KCNIP4: variants seen among roughly 807,000 people sequenced by gnomAD.
KCNIP4 encodes the protein Kv channel-interacting protein 4.
KCNIP4 carries 12 observed loss-of-function variants against 34.0 expected under a neutral mutation model. That is an observed-to-expected ratio of 0.35 (90% CI 0.23 to 0.57). KCNIP4 has a LOEUF of 0.57. Among genes scored for constraint, KCNIP4 ranks in the 20% least tolerant of loss-of-function variants. The probability of loss-of-function intolerance (pLI) is 0.83; values close to 1 mark genes in which losing one functional copy is unlikely to be tolerated. For missense variants in KCNIP4, 238 were observed against 311.7 expected (o/e 0.76, Z 1.78); for synonymous variants, 124 against 102.2 (o/e 1.21, Z -1.29).
intron 2 of KCNIP4, among the ~76,000 whole-genome samples, chr4:20,858,236 A>G (rs1721822720): frequency 1.4e-5 from 2 of 141,332 alleles, no homozygotes; most frequent in South Asian, 2.2e-4. Flanking sequence ...AAAAAAAAAA[A>G]AAAAAAGAGG....
rs554629182 is a variant in KCNIP4 at position 20,963,421 on chromosome 4, T to A, written c.62-80712A>T. 3.3e-5 allele frequency among the ~76,000 whole-genome samples: 5 copies of A among 152,202 alleles called. No individual in the cohort carries two copies. The East Asian group carries it at 9.7e-4, about 29-fold the overall frequency. On this transcript the variant is annotated intron_variant, in intron 1 of 8. Coordinates refer to ENST00000382152, the MANE Select transcript of KCNIP4 (RefSeq NM_025221.6). ...CATCCCTTTTGTGAACTATTATTAT[T>A]CCTATTATATGAACACTTTTTTTTT...
rs188192827 is a variant in KCNIP4, at chr4:21,037,586, C to T, written c.62-154877G>A. On this transcript the variant is annotated intron_variant, in intron 1 of 8. Coordinates refer to ENST00000382152, the MANE Select transcript of KCNIP4 (RefSeq NM_025221.6). ...ATGCTCTATGATGTTCACACAATGA[C>T]GAAATTATGTAATGATGCATTTCTT... Among the ~76,000 whole-genome samples, 32 of 152,234 alleles carry T rather than the reference C, an allele frequency of 2.1e-4. 1 individual carries two copies. The East Asian group carries it at 4.8e-3, about 23-fold the overall frequency.
chr4:21,015,644 ATATAG>A (rs1401702228), intron 1 of KCNIP4, among the ~76,000 whole-genome samples: 23 of 118,192 alleles, frequency 1.9e-4, no homozygotes, highest in Admixed American at 1.8e-3. Flanking sequence ...ATATAATATA[ATATAG>A]TATATTGTAT....
chr4:20,777,495 G>A (rs539321374), intron 3 of KCNIP4, among the ~76,000 whole-genome samples: 1 of 152,288 alleles, frequency 6.6e-6, no homozygotes, highest in African/African-American at 2.4e-5. Flanking sequence ...GAGGCCCAAA[G>A]AGCTGCTGTG....
intron 1 of KCNIP4, among the ~76,000 whole-genome samples, chr4:21,002,584 A>C (rs1738235475): frequency 6.6e-6 from 1 of 152,156 alleles, no homozygotes; most frequent in Non-Finnish European, 1.5e-5. Context: ...TGTCTGCAGC[A>C]ATGCTGTTCG....
chr4:20,818,069 C>T (rs1371159858), intron 3 of KCNIP4, among the ~76,000 whole-genome samples: 1 of 152,144 alleles, frequency 6.6e-6, no homozygotes, highest in Non-Finnish European at 1.5e-5. Context: ...AAATTGGGTG[C>T]AAGTTATATG....
intron 1 of KCNIP4, among the ~76,000 whole-genome samples, chr4:20,914,072 G>T (rs777459385): frequency 6.6e-6 from 1 of 151,852 alleles, no homozygotes; most frequent in Non-Finnish European, 1.5e-5. Flanking sequence ...CAGGAGAATC[G>T]CTTGAACCCG....
At chr4:21,224,783 C>T (rs906089712) in intron 1 of KCNIP4, among the ~76,000 whole-genome samples, 10 of 151,822 alleles carry the variant, frequency 6.6e-5, no homozygotes, top group African/African-American at 2.2e-4. Context: ...GACGGGGTTT[C>T]ACCATGTTGG....
chr4:20,847,859 GT>G (rs1035684555), intron 3 of KCNIP4, among the ~76,000 whole-genome samples: 3 of 152,118 alleles, frequency 2.0e-5, no homozygotes, highest in Admixed American at 6.6e-5. Context: ...AGTTTTAATA[GT>G]TTCATTAAAA....
chr4:21,553,718 A>T (rs1738762692), intron 1 of KCNIP4, among the ~76,000 whole-genome samples: 1 of 115,842 alleles, frequency 8.6e-6, no homozygotes, highest in African/African-American at 3.2e-5. Flanking sequence ...TAAAGGATAA[A>T]ATGAAACAAA....
At chr4:21,859,074 G>A (rs1724915455) in intron 1 of KCNIP4, among the ~76,000 whole-genome samples, 2 of 152,076 alleles carry the variant, frequency 1.3e-5, no homozygotes, top group South Asian at 4.1e-4. Context: ...CTTAGATAAG[G>A]GAATTTTATC....
intron 1 of KCNIP4, among the ~76,000 whole-genome samples, chr4:21,084,148 T>A (rs558816977): frequency 3.3e-5 from 5 of 151,982 alleles, no homozygotes; most frequent in African/African-American, 1.2e-4. Context: ...TAAGTGTTAA[T>A]TCTTGCTTTG....
chr4:20,907,413 T>C (rs960163943), intron 1 of KCNIP4, among the ~76,000 whole-genome samples: 1 of 152,226 alleles, frequency 6.6e-6, no homozygotes, highest in African/African-American at 2.4e-5. Context: ...TTTAAATTTC[T>C]ATAAAATGTA....
At chr4:21,156,070 G>T (rs1047303793) in intron 1 of KCNIP4, among the ~76,000 whole-genome samples, 2 of 152,052 alleles carry the variant, frequency 1.3e-5, no homozygotes, top group East Asian at 1.9e-4. Context: ...ATTTATTCAG[G>T]TCAATATATT....
intron 1 of KCNIP4, chr4:21,848,127 G>C (rs894907286): frequency 4.6e-5 from 7 of 152,108 alleles, no homozygotes; most frequent in African/African-American, 1.7e-4. Context: ...CAGCAGCTCA[G>C]ATATTTGAGT....
chr4:21,918,014 G>C (rs566619711), intron 1 of KCNIP4, among the ~76,000 whole-genome samples: 1 of 152,320 alleles, frequency 6.6e-6, no homozygotes, highest in South Asian at 2.1e-4. Context: ...GTGTCATTGG[G>C]TTCAAGAACA....
intron 1 of KCNIP4, among the ~76,000 whole-genome samples, chr4:20,988,597 T>G (rs1736804399): frequency 6.6e-6 from 1 of 152,246 alleles, no homozygotes; most frequent in Admixed American, 6.5e-5. Context: ...AGAAAAACGT[T>G]AAAATTCGAT....
intron 1 of KCNIP4, among the ~76,000 whole-genome samples, chr4:21,220,082 C>G (rs961896620): frequency 1.3e-5 from 2 of 152,090 alleles, no homozygotes; most frequent in African/African-American, 4.8e-5. Flanking sequence ...TGTTTGGTTG[C>G]TTTTTCACTT....
intron 3 of KCNIP4, among the ~76,000 whole-genome samples, chr4:20,768,476 A>G (rs1038125582): frequency 2.6e-5 from 4 of 152,236 alleles, no homozygotes; most frequent in African/African-American, 9.6e-5. Flanking sequence ...TCATTTAAAA[A>G]TTATAGGATT....
Sources: allele counts gnomAD v4.1 joint callset (sites outside exome capture counted in the v4.1 genomes callset), GRCh38; gene constraint gnomAD v4.1.1; transcripts MANE v1.5; gene names NCBI Gene and HGNC (gene_info 2026-07-23, HGNC 2026-07-21).